SPATA16: variants seen among roughly 807,000 people sequenced by gnomAD.
SPATA16 encodes the protein spermatogenesis-associated protein 16.
SPATA16 carries 36 observed loss-of-function variants against 63.3 expected under a neutral mutation model. The ratio of observed to expected loss-of-function variants is 0.57; its 90% CI spans 0.44 to 0.75. The LOEUF is 0.75. SPATA16 is among the 30% of genes least tolerant of loss of function. The pLI, the probability that SPATA16 is intolerant of heterozygous loss-of-function variation, is 0.00. For synonymous variants in SPATA16, 203 were observed against 216.7 expected (o/e 0.94, Z 0.56); for missense variants, 646 against 679.3 (o/e 0.95, Z 0.54).
chr3:172,895,326 G>GT (rs956392637), intron 10 of SPATA16, among the ~76,000 whole-genome samples: 8 of 151,672 alleles, frequency 5.3e-5, no homozygotes, highest in East Asian at 3.9e-4. Flanking sequence ...AAACTAATAA[G>GT]TTTTTTTTTC....
intron 5 of SPATA16, among the ~76,000 whole-genome samples, chr3:172,974,437 G>T (rs192960410): frequency 2.0e-5 from 3 of 152,144 alleles, no homozygotes; most frequent in African/African-American, 7.2e-5. Context: ...GGTGGATTGG[G>T]TAGTGGGGCA....
At chr3:173,123,414 G>C (rs1316112767) in intron 1 of SPATA16, among the ~76,000 whole-genome samples, 4 of 151,962 alleles carry the variant, frequency 2.6e-5, no homozygotes, top group African/African-American at 9.7e-5. Flanking sequence ...CCTCTGCATT[G>C]CACCCCAAGT....
chr3:172,895,887 A>G (rs996237255), intron 10 of SPATA16, among the ~76,000 whole-genome samples: 1 of 151,584 alleles, frequency 6.6e-6, no homozygotes, highest in African/African-American at 2.4e-5. Flanking sequence ...AATAAGTTAT[A>G]AACATTTGTA....
chr3:173,088,070 CTTTCTTTCT>C (rs1737120496), intron 2 of SPATA16, among the ~76,000 whole-genome samples: 2 of 105,442 alleles, frequency 1.9e-5, no homozygotes, highest in South Asian at 6.1e-4. Context: ...TTCTTTCTTT[CTTTCTTTCT>C]GTCTTTTCTT....
At chr3:173,028,037 T>C (rs1334361897) in intron 3 of SPATA16, among the ~76,000 whole-genome samples, 2 of 102,164 alleles carry the variant, frequency 2.0e-5, no homozygotes, top group East Asian at 3.3e-4. Context: ...CTTCCTTCCT[T>C]CCTTCCTTCC....
chr3:172,971,988 G>A (rs544306200), intron 5 of SPATA16, among the ~76,000 whole-genome samples: 8 of 152,310 alleles, frequency 5.3e-5, no homozygotes, highest in African/African-American at 7.2e-5. Context: ...ACTATGGGCC[G>A]TCTTTGAGCA....
intron 6 of SPATA16, among the ~76,000 whole-genome samples, chr3:172,952,190 G>A (rs1250398501): frequency 3.3e-5 from 5 of 152,176 alleles, no homozygotes; most frequent in Non-Finnish European, 7.3e-5. Context: ...TTTGAGGATG[G>A]AGTAGGCTGC....
intron 3 of SPATA16, among the ~76,000 whole-genome samples, chr3:173,028,030 C>T (rs1420214874): frequency 9.0e-4 from 56 of 62,018 alleles, no homozygotes; most frequent in African/African-American, 3.4e-3. Flanking sequence ...TTCTTTCCTT[C>T]CTTCCTTCCT....
chr3:173,134,534 G>A lies in SPATA16; in HGVS notation c.-19+6569C>T, dbSNP rs997300611. ...AGCCATTGTAAAGCAAGGCTGCCTC[G>A]CATGTTTGGTCTTCCTTTTGCATAT... On this transcript the variant is annotated intron_variant, in intron 1 of 10. Transcript: ENST00000351008. Among the ~76,000 whole-genome samples, 6 of 151,706 alleles carry A rather than the reference G, an allele frequency of 4.0e-5. No individual in the cohort carries two copies. The East Asian group carries it at 5.8e-4, about 15-fold the overall frequency.
intron 5 of SPATA16, among the ~76,000 whole-genome samples, chr3:172,968,654 A>T (rs1302485589): frequency 6.6e-6 from 1 of 152,224 alleles, no homozygotes; most frequent in East Asian, 1.9e-4. Flanking sequence ...GCACTCACAG[A>T]ACATCAACAG....
At chr3:172,978,147 CTCTCTCTCTCTCTCTA>C (rs1734210345) in intron 4 of SPATA16, among the ~76,000 whole-genome samples, 2 of 147,378 alleles carry the variant, frequency 1.4e-5, no homozygotes, top group Admixed American at 1.3e-4. Flanking sequence ...CCCTCTCTCT[CTCTCTCTCTCTCTCTA>C]TATATATATA....
intron 1 of SPATA16, among the ~76,000 whole-genome samples, chr3:173,118,606 TA>T (rs1402527117): frequency 6.6e-6 from 1 of 152,212 alleles, no homozygotes; most frequent in Admixed American, 6.5e-5. Context: ...TCTTTTCACC[TA>T]TCACATTCTA....
chr3:173,043,806 G>A (rs1186744292), intron 3 of SPATA16, among the ~76,000 whole-genome samples: 1 of 151,850 alleles, frequency 6.6e-6, no homozygotes, highest in Non-Finnish European at 1.5e-5. Context: ...TTCTCAAAGT[G>A]CAGATCTGGT....
chr3:172,952,637 T>C (rs1341592848), intron 6 of SPATA16, among the ~76,000 whole-genome samples: 1 of 152,086 alleles, frequency 6.6e-6, no homozygotes, highest in Admixed American at 6.6e-5. Context: ...GATGTATGAC[T>C]GAGGTAAAAA....
chr3:172,910,691 C>G (rs1732351340), intron 10 of SPATA16, among the ~76,000 whole-genome samples: 1 of 152,154 alleles, frequency 6.6e-6, no homozygotes, highest in Non-Finnish European at 1.5e-5. Context: ...ATTCCTCTTG[C>G]CAGTCCTTCT....
At chr3:172,927,847 T>G (rs1386170159) in intron 6 of SPATA16, among the ~76,000 whole-genome samples, 1 of 152,144 alleles carries the variant, frequency 6.6e-6, no homozygotes, top group Non-Finnish European at 1.5e-5. Context: ...GTTCCCAAAC[T>G]AACAGAGTGA....
chr3:172,898,094 G>C (rs1732045921), intron 10 of SPATA16, among the ~76,000 whole-genome samples: 1 of 151,860 alleles, frequency 6.6e-6, no homozygotes, highest in Admixed American at 6.6e-5. Context: ...GCATCTATGG[G>C]ATAAATTCCA....
At chr3:172,970,654 ACT>A (rs1734028766) in intron 5 of SPATA16, among the ~76,000 whole-genome samples, 1 of 152,170 alleles carries the variant, frequency 6.6e-6, no homozygotes, top group South Asian at 2.1e-4. Context: ...TAATTTAGAA[ACT>A]CTCTGCCTGA....
chr3:172,913,379 C>T (rs552993714), intron 10 of SPATA16, among the ~76,000 whole-genome samples: 8 of 151,736 alleles, frequency 5.3e-5, no homozygotes, highest in South Asian at 2.1e-4. Flanking sequence ...AAACCGAGAA[C>T]GAAGGCGCAG....
Sources: gnomAD v4.1 joint callset for allele counts (sites outside exome capture counted in the v4.1 genomes callset) on GRCh38, gnomAD v4.1.1 for gene constraint, MANE v1.5 for transcripts, NCBI Gene and HGNC (gene_info 2026-07-23, HGNC 2026-07-21) for gene names.